BIRC3: variants seen among roughly 807,000 people sequenced by gnomAD.
BIRC3 encodes the protein baculoviral IAP repeat-containing protein 3.
A neutral mutation model predicts 59.0 loss-of-function variants in BIRC3; 26 were observed. The observed-to-expected ratio is 0.44, with a 90% CI of 0.32 to 0.61. The LOEUF (loss-of-function observed/expected upper bound fraction) is 0.61. Ranked by LOEUF, BIRC3 falls within the 20% of genes least tolerant of loss-of-function variation. BIRC3 has a pLI of 0.04. For synonymous variants in BIRC3, 243 were observed against 249.2 expected, an observed-to-expected ratio of 0.98 and a Z score of 0.24; for missense variants, 641 against 711.5, an observed-to-expected ratio of 0.90 and a Z score of 1.13.
chr11:102,328,759 T>C (rs1392288570), intron 4 of BIRC3, 138 bp from the exon 5 acceptor site: 2 of 265,310 alleles, frequency 7.5e-6, no homozygotes. Context: ...GGTTAAAAAA[T>C]TATTTTGCCA....
intron 2 of BIRC3, 44 bp from the exon 3 acceptor site, chr11:102,325,422 C>A (rs775348067): frequency 3.8e-6 from 6 of 1,593,946 alleles, no homozygotes; most frequent in Admixed American, 1.8e-5. Flanking sequence ...TTTTAGTGGG[C>A]AAATTATGTG....
Position 102,337,707 on chromosome 11 carries a change from T to A in BIRC3, c.*605T>A, listed in dbSNP as rs559147774. ...TTATAAAGAATTCTGTGAGAAAAAA[T>A]TTAATAAAGCAACAAAAATTACTCT... is the stretch of plus-strand genomic sequence containing the variant. On this transcript the variant is annotated 3_prime_UTR_variant, in exon 9 of 9. Coordinates refer to ENST00000263464, the MANE Select transcript of BIRC3 (RefSeq NM_001165.5). 19 of 274,988 alleles carry A rather than the reference T, an allele frequency of 6.9e-5. No homozygotes were observed. The South Asian group carries it at 3.1e-3, about 44-fold the overall frequency. 17.0% of individuals were successfully genotyped at this position (274,988 alleles called of 1,614,324 possible).
At position 102,323,211 on chromosome 11, in the gene BIRC3, C is replaced by A; in HGVS notation, c.-1299C>A. On this transcript the variant is annotated 5_prime_UTR_variant, in exon 2 of 9. Transcript: ENST00000263464. ...TTGAGGGGGACAAAAAATTTAAAAT[C>A]TTTGAAAGGTCTTATTTTACAGCCA... 2 of 198,310 alleles carry A rather than the reference C, an allele frequency of 1.0e-5. No homozygotes were observed. The highest frequency in any genetic ancestry group is 2.1e-5 in the Non-Finnish European group (2 of 95,898). The allele number at this position is 198,310 out of a possible 1,614,324, so 12.3% of individuals were successfully genotyped here.
intron 4 of BIRC3, 69 bp from the exon 5 acceptor site, chr11:102,328,828 C>T (rs1045247426): frequency 1.1e-4 from 67 of 603,282 alleles, no homozygotes; most frequent in Admixed American, 5.8e-4. Context: ...ATTTTCATTG[C>T]AATGGGTAAG....
At position 102,338,350 on chromosome 11, in the gene BIRC3, C is replaced by T. The variant is rs1197483203; in HGVS notation, c.*1248C>T. 2 of 228,430 alleles carry T rather than the reference C, an allele frequency of 8.8e-6. No individual in the cohort carries two copies. Among genetic ancestry groups the T allele is most frequent in the Admixed American group, 5.7e-5 (1 of 17,614 alleles). The allele number at this position is 228,430 out of a possible 1,614,324, so 14.2% of individuals were successfully genotyped here. A position where few individuals can be genotyped will look rare whatever the true frequency, so the allele number is the denominator to read the frequency against. On this transcript the variant is annotated 3_prime_UTR_variant, in exon 9 of 9. Transcript: ENST00000263464. Reference sequence around the variant, plus strand: ...TCTGTAAGGGCAGAAGGGAAAGACCCCTTCATAAGGGTCACAGCTGACAAT... The same window carrying T: ...TCTGTAAGGGCAGAAGGGAAAGACCTCTTCATAAGGGTCACAGCTGACAAT...
chr11:102,338,131 G>A lies in BIRC3; in HGVS notation c.*1029G>A. The A allele has an allele frequency of 4.4e-6, 1 of 228,286 alleles. No homozygotes were observed. The highest frequency in any genetic ancestry group is 8.7e-6 in the Non-Finnish European group (1 of 114,970). 14.1% of individuals were successfully genotyped at this position (228,286 alleles called of 1,614,324 possible). A position where few individuals can be genotyped will look rare whatever the true frequency, so the allele number is the denominator to read the frequency against. On this transcript the variant is annotated 3_prime_UTR_variant, in exon 9 of 9. Coordinates refer to ENST00000263464, the MANE Select transcript of BIRC3 (RefSeq NM_001165.5). Reference sequence around the variant, plus strand: ...AATAAATCTGTTTCATATTGTCAGTGCAACAAAATGTCCCCCTCTGCATTA... The same window carrying A: ...AATAAATCTGTTTCATATTGTCAGTACAACAAAATGTCCCCCTCTGCATTA...
chr11:102,318,892 C>T (rs1044256752), intron 1 of BIRC3, among the ~76,000 whole-genome samples: 8 of 151,982 alleles, frequency 5.3e-5, no homozygotes, highest in African/African-American at 7.3e-5. Flanking sequence ...TTATTAACAC[C>T]GAAAGCAGTT....
At position 102,324,972 on chromosome 11, in the gene BIRC3, T is replaced by C. The variant is rs758340219; in HGVS notation, c.463T>C (p.Ser155Pro). The change falls in exon 2 of 9, where the codon TCT (serine) becomes CCT (proline). Residue 155 changes from serine (S) to proline (P), a missense_variant. Ser to Pro is a moderately conservative substitution (Grantham distance 74). Transcript: ENST00000263464. The part of the protein sequence containing the change: ...PVNSRANQDF[S>P]ALMRSSYHCA... ...AAACTCCAGAGCAAATCAAGATTTT[T>C]CTGCCTTGATGAGAAGTTCCTACCA... is the stretch of plus-strand genomic sequence containing the variant. 6.2e-7 allele frequency: 1 copy of C among 1,614,200 alleles called. No homozygotes were observed. The highest frequency in any genetic ancestry group is 1.1e-5 in the South Asian group (1 of 91,084).
intron 3 of BIRC3, among the ~76,000 whole-genome samples, chr11:102,326,315 G>A (rs1302513995): frequency 6.6e-6 from 1 of 152,182 alleles, no homozygotes; most frequent in African/African-American, 2.4e-5. Context: ...TAAATTGGGT[G>A]GTCAGGGTAA....
intron 3 of BIRC3, among the ~76,000 whole-genome samples, chr11:102,327,381 C>T (rs1359071521): frequency 1.3e-5 from 2 of 152,130 alleles, no homozygotes; most frequent in Non-Finnish European, 2.9e-5. Context: ...TGGCTCATGC[C>T]TGTAATCGCA....
In BIRC3 at chr11:102,333,554, G is replaced by A. The variant is rs530240208; in HGVS notation, c.1324+2313G>A. 1.9e-4 allele frequency among the ~76,000 whole-genome samples: 28 copies of A among 150,714 alleles called. No homozygotes were observed. In the South Asian group the frequency reaches 5.9e-3, roughly 32 times the overall value. On this transcript the variant is annotated intron_variant, in intron 6 of 8. Coordinates refer to ENST00000263464, the MANE Select transcript of BIRC3 (RefSeq NM_001165.5). ...ACTGCATTCCAGCCTGGGCAACAGA[G>A]TGAGACACTCTCTAAAAGAAAAAAA... is the stretch of plus-strand genomic sequence containing the variant.
chr11:102,325,272 C>T lies in BIRC3; in HGVS notation c.763C>T (p.His255Tyr), dbSNP rs571701272. 1 of 1,614,160 alleles carries T rather than the reference C, an allele frequency of 6.2e-7. No homozygotes were observed. The highest frequency in any genetic ancestry group is 8.5e-7 in the Non-Finnish European group (1 of 1,180,018). Residue 255 changes from histidine to tyrosine, a missense_variant, in exon 2 of 9, where the codon CAT becomes TAT. His to Tyr is a moderately conservative substitution (Grantham distance 83, BLOSUM62 2). Around this residue, in one of 4 missense-constraint regions of BIRC3, gnomAD observed 329 missense variants for 365.6 expected, o/e 0.90. Coordinates refer to ENST00000263464, the MANE Select transcript of BIRC3 (RefSeq NM_001165.5). ...YTVSNLSMQT[H>Y]AARFKTFFNW... ...AGTTTCTAATCTGAGCATGCAGACA[C>T]ATGCAGCCCGCTTTAAAACATTCTT... is the stretch of plus-strand genomic sequence containing the variant.
intron 5 of BIRC3, among the ~76,000 whole-genome samples, 173 bp from the exon 6 acceptor site, chr11:102,330,826 C>T (rs1346177474): frequency 3.9e-5 from 6 of 152,158 alleles, no homozygotes; most frequent in South Asian, 4.1e-4. Flanking sequence ...AATGACTGAA[C>T]GTGTATATCA....
intron 5 of BIRC3, 115 bp downstream of exon 5, chr11:102,329,060 C>T: frequency 1.9e-6 from 1 of 535,564 alleles, no homozygotes. Flanking sequence ...ACGATGAATG[C>T]ATTTTCAAAT....
rs1288275329 is a variant in BIRC3 at position 102,334,204 on chromosome 11, C to T, written c.1325-1762C>T. Among the ~76,000 whole-genome samples the T allele has an allele frequency of 2.0e-5, 3 of 152,254 alleles. No homozygotes were observed. In the South Asian group the frequency reaches 6.2e-4, roughly 32 times the overall value. On this transcript the variant is annotated intron_variant, in intron 6 of 8. Coordinates refer to ENST00000263464, the MANE Select transcript of BIRC3 (RefSeq NM_001165.5). ...ATTTTTATTTTCTAATATATCCCTA[C>T]TTTGCTAATAGAAATAATTTAACAA... is the stretch of plus-strand genomic sequence containing the variant.
At chr11:102,331,361 A>G in intron 6 of BIRC3, 120 bp downstream of exon 6, 4 of 1,067,754 alleles carry the variant, frequency 3.7e-6, no homozygotes, top group Non-Finnish European at 3.7e-6. Flanking sequence ...GGTTTTTTTC[A>G]TGTTTAGTAT....
chr11:102,320,030 T>G (rs80164172), intron 1 of BIRC3: 1 of 141,648 alleles, frequency 7.1e-6, no homozygotes, highest in Non-Finnish European at 1.5e-5. Context: ...CGCCCGATGG[T>G]TTTTTTTTTT....
intron 4 of BIRC3, among the ~76,000 whole-genome samples, 157 bp downstream of exon 4, chr11:102,328,287 T>G (rs1951104681): frequency 6.6e-6 from 1 of 152,228 alleles, no homozygotes; most frequent in Non-Finnish European, 1.5e-5. Flanking sequence ...AGTATTATTC[T>G]TTGGAGAAAA....
rs368218548 is a variant in BIRC3 at position 102,329,527 on chromosome 11, TA to T, written c.1081+583del. On this transcript the variant is annotated intron_variant, in intron 5 of 8. Coordinates refer to ENST00000263464, the MANE Select transcript of BIRC3 (RefSeq NM_001165.5). ...TCTGAGGAAAGCATAGAGAACAGGA[TA>T]GAGCCAACCCAAATGTCCATCAGTG... Among the ~76,000 whole-genome samples, 25 of 152,242 alleles carry T rather than the reference TA, an allele frequency of 1.6e-4. No homozygotes were observed. The East Asian group carries it at 4.6e-3, about 28-fold the overall frequency.
Sources: allele counts gnomAD v4.1 joint callset (sites outside exome capture counted in the v4.1 genomes callset), GRCh38; gene constraint gnomAD v4.1.1; regional missense constraint gnomAD v4.1.1; transcripts MANE v1.5; gene names NCBI Gene and HGNC (gene_info 2026-07-23, HGNC 2026-07-21).